The following KLHL25 variants were observed in gnomAD, a reference collection of about 807,000 sequenced individuals.
KLHL25 encodes kelch like family member 25.
A neutral mutation model predicts 30.0 loss-of-function variants in KLHL25; 41 were observed. The ratio of observed to expected loss-of-function variants is 1.37; its 90% CI spans 1.07 to 1.78. The LOEUF is 1.78. Among genes scored for constraint, KLHL25 ranks in the 40% most tolerant of loss-of-function variants. KLHL25 has a pLI of 0.00. For synonymous variants in KLHL25, 399 were observed against 355.3 expected, an observed-to-expected ratio of 1.12 and a Z score of -1.38; for missense variants, 971 against 824.5, an observed-to-expected ratio of 1.18 and a Z score of -2.18.
intron 1 of KLHL25, chr15:85,770,423 GCTCCC>G: frequency 4.0e-6 from 2 of 504,486 alleles, no homozygotes; most frequent in Admixed American, 4.2e-5. Flanking sequence ...CCACTTCCCT[GCTCCC>G]AGCAGGCTCT....
Position 85,788,967 on chromosome 15 carries a change from C to T in KLHL25, c.-11+5799G>A, listed in dbSNP as rs370929474. 3.0e-4 allele frequency among the ~76,000 whole-genome samples: 45 copies of T among 152,264 alleles called. 1 individual carries two copies. The East Asian group carries it at 7.9e-3, about 27-fold the overall frequency. Reference sequence around the variant, plus strand: ...TCCATCTCTTGGCCCTCACTCCTCTCAGACAAATTGGCCTGGCCAACAGCA... The same window carrying T: ...TCCATCTCTTGGCCCTCACTCCTCTTAGACAAATTGGCCTGGCCAACAGCA... On this transcript the variant is annotated intron_variant, in intron 1 of 2. Transcript: ENST00000337975.
In KLHL25 at chr15:85,776,172, C is replaced by CAA. The variant is rs60382493; in HGVS notation, c.-10-6354_-10-6353dup. 2.5e-3 allele frequency among the ~76,000 whole-genome samples: 321 copies of CAA among 127,332 alleles called. 8 individuals carry two copies. In the East Asian group the frequency reaches 0.043, roughly 17 times the overall value. 83.5% of individuals were successfully genotyped at this position (127,332 alleles called of 152,430 possible). A position where few individuals can be genotyped will look rare whatever the true frequency, so the allele number is the denominator to read the frequency against. Reference sequence around the variant, plus strand: ...TGGGCGACAGAGCGAGACTCTGTCTCAAAAAAAAAAAAAAGAAAGAAAGAA... The same window carrying CAA: ...TGGGCGACAGAGCGAGACTCTGTCTCAAAAAAAAAAAAAAAAGAAAGAAAGAA... On this transcript the variant is annotated intron_variant, in intron 1 of 2. Coordinates refer to ENST00000337975, the MANE Select transcript of KLHL25 (RefSeq NM_022480.4).
chr15:85,768,061 A>C lies in KLHL25; in HGVS notation c.1750T>G (p.Trp584Gly). ...SLIPTAFVST[W>G]KHLPA ...GCTCCTCACGCGGGCAGGTGCTTCCAGGTGCTGACAAAGGCCGTGGGGATA... is the reference window on the plus strand; with the variant it reads ...GCTCCTCACGCGGGCAGGTGCTTCCCGGTGCTGACAAAGGCCGTGGGGATA... Residue 584 changes from tryptophan to glycine, a missense_variant, in exon 2 of 3, where the codon TGG becomes GGG. Coordinates refer to ENST00000337975, the MANE Select transcript of KLHL25 (RefSeq NM_022480.4). 1 of 1,612,134 alleles carries C rather than the reference A, an allele frequency of 6.2e-7. No homozygotes were observed. The highest frequency in any genetic ancestry group is 8.5e-7 in the Non-Finnish European group (1 of 1,178,410).
At chr15:85,791,420 A>T (rs2089815862) in intron 1 of KLHL25, among the ~76,000 whole-genome samples, 1 of 152,006 alleles carries the variant, frequency 6.6e-6, no homozygotes, top group Non-Finnish European at 1.5e-5. Context: ...ACTTGAATCC[A>T]GGAGGCAGAA....
In KLHL25 at chr15:85,778,880, T is replaced by C. The variant is rs563222757; in HGVS notation, c.-10-9060A>G. On this transcript the variant is annotated intron_variant, in intron 1 of 2. Coordinates refer to ENST00000337975, the MANE Select transcript of KLHL25 (RefSeq NM_022480.4). ...AAGAGGATTAAGCTCCCAGGCCCCA[T>C]GGTACCCACTTCTCTCCTATGGGTC... 3.9e-4 allele frequency among the ~76,000 whole-genome samples: 59 copies of C among 152,218 alleles called. 1 individual carries two copies. Among genetic ancestry groups the C allele is most frequent in the African/African-American group, 1.4e-3 (59 of 41,560 alleles).
intron 2 of KLHL25, among the ~76,000 whole-genome samples, chr15:85,767,019 G>A (rs560043575): frequency 9.2e-4 from 136 of 147,266 alleles, no homozygotes; most frequent in Admixed American, 1.5e-3. Context: ...TTGAGACGGA[G>A]TCTCACTGTT....
chr15:85,763,673 G>A (rs1263733627), intron 2 of KLHL25: 2 of 152,290 alleles, frequency 1.3e-5, no homozygotes, highest in Non-Finnish European at 1.5e-5. Context: ...AGTCTTACAG[G>A]ATGGATGGAA....
In KLHL25 at chr15:85,760,879, C is replaced by G. The variant is rs1461168253; in HGVS notation, c.*157G>C. On this transcript the variant is annotated 3_prime_UTR_variant, in exon 3 of 3. Coordinates refer to ENST00000337975, the MANE Select transcript of KLHL25 (RefSeq NM_022480.4). ...TGCTTCTCTTCTCTTGCCTAAAGCT[C>G]AGAACAGCCCAAGGCTGCTGCTCCC... 6.6e-6 allele frequency: 1 copy of G among 152,342 alleles called. No individual in the cohort carries two copies. The highest frequency in any genetic ancestry group is 6.5e-5 in the Admixed American group (1 of 15,294). 9.4% of individuals were successfully genotyped at this position (152,342 alleles called of 1,614,324 possible).
Position 85,768,283 on chromosome 15 carries a change from G to A in KLHL25, c.1528C>T (p.Arg510Cys), listed in dbSNP as rs1329377899. Reference sequence around the variant, plus strand: ...CACTGGTTGGTCTCACAGTCAAAGCGGTAGGCCGAGGCGGCTGTGAATTCC... The same window carrying A: ...CACTGGTTGGTCTCACAGTCAAAGCAGTAGGCCGAGGCGGCTGTGAATTCC... ...DTEFTAASAY[R>C]FDCETNQWTR... Residue 510 changes from arginine to cysteine, a missense_variant, in exon 2 of 3, where the codon CGC (arginine) becomes TGC (cysteine). By Grantham distance (180) the Arg-to-Cys change is radical. Transcript: ENST00000337975. The A allele has an allele frequency of 6.8e-6, 11 of 1,613,972 alleles. No homozygotes were observed. The highest frequency in any genetic ancestry group is 1.7e-5 in the Admixed American group (1 of 60,016).
rs2089643597 is a variant in KLHL25, at chr15:85,768,730, A to G, written c.1081T>C (p.Tyr361His). ...ENGVSKDVWV[Y>H]DTVHEEWSKA... ...GACCATTCCTCATGTACGGTGTCGT[A>G]CACCCAGACATCCTTGGAGACCCCG... The change falls in exon 2 of 3, where the codon TAC (tyrosine) becomes CAC (histidine). Residue 361 changes from tyrosine to histidine, a missense_variant. Physicochemically the swap from Tyr to His is moderately conservative, Grantham distance 83. Coordinates refer to ENST00000337975, the MANE Select transcript of KLHL25 (RefSeq NM_022480.4). The G allele has an allele frequency of 6.2e-7, 1 of 1,613,196 alleles. No individual in the cohort carries two copies. The highest frequency in any genetic ancestry group is 8.5e-7 in the Non-Finnish European group (1 of 1,179,934).
At chr15:85,776,137 C>G (rs1292264025) in intron 1 of KLHL25, among the ~76,000 whole-genome samples, 5 of 150,050 alleles carry the variant, frequency 3.3e-5, no homozygotes, top group Non-Finnish European at 4.4e-5. Context: ...CACGCCACTG[C>G]ACTCCAGCCT....
rs995368853 is a variant in KLHL25, at chr15:85,759,767, G to A, written c.*1269C>T. The stretch of plus-strand genomic sequence containing the variant: ...GCCCTAATCTTGAGCCAGCCAAGCA[G>A]TGTTCACACTGCAGGTGCCTGGGAA... On this transcript the variant is annotated 3_prime_UTR_variant, in exon 3 of 3. Coordinates refer to ENST00000337975, the MANE Select transcript of KLHL25 (RefSeq NM_022480.4). 1 of 152,324 alleles carries A rather than the reference G, an allele frequency of 6.6e-6. No homozygotes were observed. Among genetic ancestry groups the A allele is most frequent in the African/African-American group, 2.4e-5 (1 of 41,470 alleles). 9.4% of individuals were successfully genotyped at this position (152,324 alleles called of 1,614,324 possible). A position where few individuals can be genotyped will look rare whatever the true frequency, so the allele number is the denominator to read the frequency against.
chr15:85,766,209 C>T (rs955085807), intron 2 of KLHL25, among the ~76,000 whole-genome samples: 13 of 152,364 alleles, frequency 8.5e-5, no homozygotes, highest in African/African-American at 3.1e-4. Context: ...CACCACCCAG[C>T]GCTGCAGGAT....
rs780835113 is a variant in KLHL25, at chr15:85,768,920, T to G, written c.891A>C (p.Leu297=). ...CARPRKAGHT[L]LILGGQTFMC... ...TGAAGGTCTGGCCCCCCAGGATGAG[T>G]AGCGTGTGGCCCGCCTTGCGTGGCC... The change falls in exon 2 of 3, where the codon CTA becomes CTC. Residue 297 remains leucine (L), a synonymous_variant. Transcript: ENST00000337975. 10 of 1,613,136 alleles carry G rather than the reference T, an allele frequency of 6.2e-6. No individual in the cohort carries two copies.
intron 1 of KLHL25, among the ~76,000 whole-genome samples, chr15:85,794,471 G>A (rs945970105): frequency 1.3e-5 from 2 of 152,250 alleles, no homozygotes; most frequent in Non-Finnish European, 2.9e-5. Flanking sequence ...ACTCCCTGGG[G>A]AAAGAGTAGC....
At position 85,759,507 on chromosome 15, in the gene KLHL25, G is replaced by A. The variant is rs1011158445; in HGVS notation, c.*1529C>T. The A allele has an allele frequency of 6.6e-6, 1 of 152,404 alleles. No individual in the cohort carries two copies. The highest frequency in any genetic ancestry group is 6.5e-5 in the Admixed American group (1 of 15,292). The allele number at this position is 152,404 out of a possible 1,614,324, so 9.4% of individuals were successfully genotyped here. ...CCAGGCTCCTGAGTGTGCCAGCAGAGCCGTCCCCTGGGACCACAGCCAAGT... is the reference window on the plus strand; with the variant it reads ...CCAGGCTCCTGAGTGTGCCAGCAGAACCGTCCCCTGGGACCACAGCCAAGT... On this transcript the variant is annotated 3_prime_UTR_variant, in exon 3 of 3. Transcript: ENST00000337975.
intron 1 of KLHL25, among the ~76,000 whole-genome samples, chr15:85,778,492 T>G (rs1368240620): frequency 1.3e-5 from 2 of 152,238 alleles, no homozygotes; most frequent in African/African-American, 4.8e-5. Context: ...ACCTCATCCC[T>G]ACTCAGCCTT....
At chr15:85,770,767 G>A (rs1038278598) in intron 1 of KLHL25, among the ~76,000 whole-genome samples, 23 of 152,204 alleles carry the variant, frequency 1.5e-4, no homozygotes, top group Admixed American at 1.0e-3. Flanking sequence ...CCAACGCAGC[G>A]CCTCCCCTGC....
In KLHL25 at chr15:85,768,739, C is replaced by A; in HGVS notation, c.1072G>T (p.Val358Phe). Residue 358 changes from valine (V) to phenylalanine (F), a missense_variant, in exon 2 of 3, where the codon GTC becomes TTC. Physicochemically the swap from Val to Phe is conservative, Grantham distance 50 (BLOSUM62 -1). Transcript: ENST00000337975. ...RGSENGVSKD[V>F]WVYDTVHEEW... ...TCATGTACGGTGTCGTACACCCAGACATCCTTGGAGACCCCGTTCTCGGAG... is the reference window on the plus strand; with the variant it reads ...TCATGTACGGTGTCGTACACCCAGAAATCCTTGGAGACCCCGTTCTCGGAG... The A allele has an allele frequency of 6.2e-7, 1 of 1,613,316 alleles. No individual in the cohort carries two copies.
Sources: gnomAD v4.1 joint callset for allele counts (sites outside exome capture counted in the v4.1 genomes callset) on GRCh38, gnomAD v4.1.1 for gene constraint, MANE v1.5 for transcripts, NCBI Gene and HGNC (gene_info 2026-07-23, HGNC 2026-07-21) for gene names.